Variants in SLC25A38 observed in about 807,000 individuals in gnomAD.
SLC25A38 encodes solute carrier family 25 member 38.
SLC25A38 carries 27 observed loss-of-function variants against 33.4 expected under a neutral mutation model. The ratio of observed to expected loss-of-function variants is 0.81; its 90% CI spans 0.60 to 1.11. The LOEUF (loss-of-function observed/expected upper bound fraction) is 1.11. SLC25A38 is among the 50% of genes most tolerant of loss of function. The probability of loss-of-function intolerance (pLI) is 0.00; values close to 1 mark genes in which losing one functional copy is unlikely to be tolerated. For synonymous variants in SLC25A38, 123 were observed against 145.9 expected, an observed-to-expected ratio of 0.84 and a Z score of 1.13; for missense variants, 344 against 388.8, an observed-to-expected ratio of 0.88 and a Z score of 0.97.
chr3:39,383,757 A>AC lies in SLC25A38; in HGVS notation c.37dup (p.Gln13ProfsTer40). 1.9e-6 allele frequency: 3 copies of AC among 1,614,098 alleles called. No individual in the cohort carries two copies. The highest frequency in any genetic ancestry group is 2.5e-6 in the Non-Finnish European group (3 of 1,179,992). On this transcript the variant is annotated frameshift_variant, in exon 1 of 7. Coordinates refer to ENST00000650617, the MANE Select transcript of SLC25A38 (RefSeq NM_017875.4). LOFTEE classifies it high-confidence loss of function. ...AGAACTCACGTCCGTCGCTGCTGCA[A>AC]CCCCAAGATGTCGGAGACACGGTGG... is the stretch of plus-strand genomic sequence containing the variant.
At chr3:39,392,533 G>A (rs2041783586) in intron 5 of SLC25A38, among the ~76,000 whole-genome samples, 1 of 152,044 alleles carries the variant, frequency 6.6e-6, no homozygotes, top group African/African-American at 2.4e-5. Context: ...CCTCCATTTA[G>A]GTGGAGATGA....
intron 6 of SLC25A38, among the ~76,000 whole-genome samples, chr3:39,394,913 A>C (rs1481431543): frequency 6.6e-6 from 1 of 152,060 alleles, no homozygotes; most frequent in Non-Finnish European, 1.5e-5. Context: ...TCGGGGTGAA[A>C]TTAGTACTCT....
chr3:39,392,687 A>C (rs1195758097), intron 5 of SLC25A38, among the ~76,000 whole-genome samples: 3 of 152,042 alleles, frequency 2.0e-5, no homozygotes, highest in Non-Finnish European at 2.9e-5. Context: ...CATAGAATGA[A>C]CCTGCATGTA....
At chr3:39,386,670 C>T (rs6783904) in intron 1 of SLC25A38, among the ~76,000 whole-genome samples, 3,771 of 152,204 alleles carry the variant, frequency 0.025, 57 homozygotes, top group East Asian at 0.051. Context: ...AATTGGTGGC[C>T]GTCACCAAGG....
At position 39,383,604 on chromosome 3, in the gene SLC25A38, C is replaced by T; in HGVS notation, c.-121C>T. 8.8e-7 allele frequency: 1 copy of T among 1,135,258 alleles called. No homozygotes were observed. The highest frequency in any genetic ancestry group is 1.3e-6 in the Non-Finnish European group (1 of 769,500). 70.3% of individuals were successfully genotyped at this position (1,135,258 alleles called of 1,614,324 possible). On this transcript the variant is annotated 5_prime_UTR_variant, in exon 1 of 7. Transcript: ENST00000650617. Reference sequence around the variant, plus strand: ...ATAGGCGCAGACGTCAGAGAGCCCGCGGCTTAAAGCGCGTCGCCTGGCTAG... The same window carrying T: ...ATAGGCGCAGACGTCAGAGAGCCCGTGGCTTAAAGCGCGTCGCCTGGCTAG...
intron 1 of SLC25A38, 143 bp downstream of exon 1, chr3:39,383,936 G>A: frequency 1.1e-6 from 1 of 948,072 alleles, no homozygotes; most frequent in Non-Finnish European, 1.7e-6. Context: ...AGAGGAGTCT[G>A]ACTAAGGGAA....
chr3:39,395,376 C>A (rs2041816440), intron 6 of SLC25A38, among the ~76,000 whole-genome samples: 1 of 151,374 alleles, frequency 6.6e-6, no homozygotes, highest in Non-Finnish European at 1.5e-5. Context: ...AGCTGAAGAC[C>A]AGCATGGGCA....
rs2041835432 is a variant in SLC25A38, at chr3:39,396,763, TG to T, written c.*244del. Reference sequence around the variant, plus strand: ...ACACTAGGGTGTTAGGAGAGAGCTTTGCATACTCTGAGAGGCTACTTGGAAA... The same window carrying T: ...ACACTAGGGTGTTAGGAGAGAGCTTTCATACTCTGAGAGGCTACTTGGAAA... On this transcript the variant is annotated 3_prime_UTR_variant, in exon 7 of 7. Transcript: ENST00000650617. The T allele has an allele frequency of 1.7e-6, 1 of 577,748 alleles. No individual in the cohort carries two copies. Among genetic ancestry groups the T allele is most frequent in the African/African-American group, 1.9e-5 (1 of 53,350 alleles). 35.8% of individuals were successfully genotyped at this position (577,748 alleles called of 1,614,324 possible).
chr3:39,390,596 G>A, intron 3 of SLC25A38, 89 bp downstream of exon 3: 1 of 1,346,090 alleles, frequency 7.4e-7, no homozygotes, highest in South Asian at 1.2e-5. Flanking sequence ...TTAAGGATAT[G>A]TGAGAGTCAG....
intron 6 of SLC25A38, among the ~76,000 whole-genome samples, chr3:39,396,187 G>A (rs550406350): frequency 2.6e-5 from 4 of 151,930 alleles, no homozygotes; most frequent in African/African-American, 9.7e-5. Context: ...TATAGCCTGG[G>A]CGACAGAGCC....
Position 39,391,876 on chromosome 3 carries a change from T to G in SLC25A38, c.480T>G (p.Ser160Arg), listed in dbSNP as rs2041773983. ...RYESGKYGYE[S>R]IYAALRSIYH... Reference sequence around the variant, plus strand: ...AGAGTGGGAAATATGGCTATGAGAGTATCTACGCTGCCCTGAGGAGCATCT... The same window carrying G: ...AGAGTGGGAAATATGGCTATGAGAGGATCTACGCTGCCCTGAGGAGCATCT... Residue 160 changes from serine to arginine, a missense_variant, in exon 5 of 7, where the codon AGT becomes AGG. Transcript: ENST00000650617. The G allele has an allele frequency of 1.2e-6, 2 of 1,613,600 alleles. No individual in the cohort carries two copies. The highest frequency in any genetic ancestry group is 2.2e-5 in the South Asian group (2 of 91,056).
chr3:39,395,421 T>A (rs766171501), intron 6 of SLC25A38, among the ~76,000 whole-genome samples: 8 of 145,872 alleles, frequency 5.5e-5, no homozygotes, highest in Admixed American at 6.7e-5. Context: ...AAAAAAAAAA[T>A]AAATAAATTA....
Position 39,392,167 on chromosome 3 carries a change from A to G in SLC25A38, c.625+146A>G, listed in dbSNP as rs1256395299. Reference sequence around the variant, plus strand: ...TGATTGTGTCAGGAACTGGGATGCAAAGGTGGATATGACAAACTTGATCCC... The same window carrying G: ...TGATTGTGTCAGGAACTGGGATGCAGAGGTGGATATGACAAACTTGATCCC... On this transcript the variant is annotated intron_variant, in intron 5 of 6. Coordinates refer to ENST00000650617, the MANE Select transcript of SLC25A38 (RefSeq NM_017875.4). 5.4e-6 allele frequency: 6 copies of G among 1,109,150 alleles called. No individual in the cohort carries two copies. In the East Asian group the frequency reaches 1.0e-4, roughly 19 times the overall value. The allele number at this position is 1,109,150 out of a possible 1,614,324, so 68.7% of individuals were successfully genotyped here.
intron 6 of SLC25A38, among the ~76,000 whole-genome samples, chr3:39,395,795 A>C (rs1332713146): frequency 1.3e-5 from 2 of 152,016 alleles, no homozygotes; most frequent in Non-Finnish European, 2.9e-5. Context: ...CTTGGGGCTT[A>C]GTGCTTCTGT....
At chr3:39,384,347 C>T (rs1470875360) in intron 1 of SLC25A38, 9 of 249,860 alleles carry the variant, frequency 3.6e-5, no homozygotes, top group East Asian at 7.4e-5. Flanking sequence ...CGTGCCCGGG[C>T]CGCCGGGCCG....
chr3:39,391,863 A>G lies in SLC25A38; in HGVS notation c.467A>G (p.Tyr156Cys). Reference protein sequence around the residue: ...VIKTRYESGKYGYESIYAALR... With the variant: ...VIKTRYESGKCGYESIYAALR... ...GTGCTCTCTTTGCAGAGTGGGAAAT[A>G]TGGCTATGAGAGTATCTACGCTGCC... The change falls in exon 5 of 7, where the codon TAT becomes TGT. Residue 156 changes from tyrosine to cysteine, a missense_variant. Tyr to Cys is a radical substitution (Grantham distance 194). Around this residue, in one of 2 missense-constraint regions of SLC25A38, gnomAD observed 269 missense variants for 271.8 expected, o/e 0.99. Coordinates refer to ENST00000650617, the MANE Select transcript of SLC25A38 (RefSeq NM_017875.4). 1 of 1,613,468 alleles carries G rather than the reference A, an allele frequency of 6.2e-7. No individual in the cohort carries two copies. Among genetic ancestry groups the G allele is most frequent in the East Asian group, 2.2e-5 (1 of 44,886 alleles).
Position 39,394,738 on chromosome 3 carries a change from AT to A in SLC25A38, c.792+172del, listed in dbSNP as rs1024657404. Among the ~76,000 whole-genome samples, 25 of 150,604 alleles carry A rather than the reference AT, an allele frequency of 1.7e-4. No homozygotes were observed. The East Asian group carries it at 3.7e-3, about 22-fold the overall frequency. On this transcript the variant is annotated intron_variant, in intron 6 of 6. Coordinates refer to ENST00000650617, the MANE Select transcript of SLC25A38 (RefSeq NM_017875.4). ...CAACTATATCAGAATGTCTAGTGAG[AT>A]TTTTTTTTTAATGTTCCCCAGTGAT... is the stretch of plus-strand genomic sequence containing the variant.
rs1049952813 is a variant in SLC25A38 at position 39,384,186 on chromosome 3, T to G, written c.69+393T>G. ...AATAGCGCTGACGCTGAGAAGCCGTTGATGCCGCAGCGAGCTGGCCGGGTA... is the reference window on the plus strand; with the variant it reads ...AATAGCGCTGACGCTGAGAAGCCGTGGATGCCGCAGCGAGCTGGCCGGGTA... On this transcript the variant is annotated intron_variant, in intron 1 of 6. Transcript: ENST00000650617. Among the ~76,000 whole-genome samples, 50 of 152,200 alleles carry G rather than the reference T, an allele frequency of 3.3e-4. 1 individual carries two copies. The highest frequency in any genetic ancestry group is 5.6e-4 in the Non-Finnish European group (38 of 68,022).
At chr3:39,384,483 C>G (rs1426868587) in intron 1 of SLC25A38, 15 of 385,596 alleles carry the variant, frequency 3.9e-5, no homozygotes, top group Middle Eastern at 6.5e-4. Flanking sequence ...CCTCTGAGGT[C>G]TTGCGCCCGA....
Sources: gnomAD v4.1 joint callset for allele counts (sites outside exome capture counted in the v4.1 genomes callset) on GRCh38, gnomAD v4.1.1 for gene constraint, gnomAD v4.1.1 regional missense constraint, MANE v1.5 for transcripts, NCBI Gene and HGNC (gene_info 2026-07-23, HGNC 2026-07-21) for gene names.